Variants in SDK1 observed in about 807,000 individuals in gnomAD.
SDK1 encodes the protein sidekick cell adhesion molecule 1, also known as protein sidekick-1.
Under a neutral mutation model 245.5 loss-of-function variants are expected in SDK1, and 157 were observed. The ratio of observed to expected loss-of-function variants is 0.64; its 90% confidence interval spans 0.56 to 0.73. The LOEUF (loss-of-function observed/expected upper bound fraction) is 0.73. SDK1 is among the 30% of genes least tolerant of loss of function. The pLI, the probability that SDK1 is intolerant of heterozygous loss-of-function variation, is 0.00. For synonymous variants in SDK1, 1,647 were observed against 1,278.5 expected (o/e 1.29, Z -6.15); for missense variants, 3,583 against 3,002.3 (o/e 1.19, Z -4.52).
intron 4 of SDK1, among the ~76,000 whole-genome samples, chr7:3,766,875 G>A (rs1780269249): frequency 6.6e-6 from 1 of 152,172 alleles, no homozygotes; most frequent in Non-Finnish European, 1.5e-5. Context: ...TCCTTAGAGT[G>A]AGCTCATGGC....
chr7:3,634,220 A>G lies in SDK1; in HGVS notation c.459-4784A>G, dbSNP rs896466416. ...ATAGGGTGGCAGATTCTCCAAATAC[A>G]GGGAAGTGGTTCAGATCCTAGGTAG... On this transcript the variant is annotated intron_variant, in intron 2 of 44. Coordinates refer to ENST00000404826, the MANE Select transcript of SDK1 (RefSeq NM_152744.4). Among the ~76,000 whole-genome samples the G allele has an allele frequency of 2.6e-5, 4 of 152,088 alleles. No individual in the cohort carries two copies. In the South Asian group the frequency reaches 8.3e-4, roughly 32 times the overall value.
At chr7:4,069,495 C>G (rs962741574) in intron 20 of SDK1, among the ~76,000 whole-genome samples, 1 of 152,230 alleles carries the variant, frequency 6.6e-6, no homozygotes, top group Non-Finnish European at 1.5e-5. Flanking sequence ...CGTCCTGACG[C>G]GAGCGGTCAG....
intron 1 of SDK1, among the ~76,000 whole-genome samples, chr7:3,425,235 G>A (rs1340236226): frequency 2.6e-5 from 4 of 151,884 alleles, no homozygotes; most frequent in Admixed American, 2.6e-4. Flanking sequence ...AGACAGGCCT[G>A]TTGTTATCTT....
At chr7:4,251,131 A>G (rs959229402) in intron 44 of SDK1, among the ~76,000 whole-genome samples, 2 of 152,190 alleles carry the variant, frequency 1.3e-5, no homozygotes, top group African/African-American at 4.8e-5. Flanking sequence ...CTTCATTTCT[A>G]TATTATATGG....
intron 14 of SDK1, among the ~76,000 whole-genome samples, chr7:4,008,079 G>A (rs1180156256): frequency 6.6e-6 from 1 of 152,020 alleles, no homozygotes. Flanking sequence ...CCTTTCCCCT[G>A]CTCCTCCTAC....
intron 35 of SDK1, among the ~76,000 whole-genome samples, chr7:4,195,184 C>A (rs1030684261): frequency 2.0e-5 from 3 of 152,216 alleles, no homozygotes; most frequent in Non-Finnish European, 1.5e-5. Flanking sequence ...TGCATCACAT[C>A]ACATTCTATC....
chr7:3,687,727 G>A (rs115859085), intron 4 of SDK1, among the ~76,000 whole-genome samples: 1 of 152,308 alleles, frequency 6.6e-6, no homozygotes, highest in Non-Finnish European at 1.5e-5. Flanking sequence ...AAGCAGCGGA[G>A]AGAGGATAGA....
intron 4 of SDK1, among the ~76,000 whole-genome samples, chr7:3,788,540 A>ATG (rs765045683): frequency 5.9e-5 from 9 of 152,150 alleles, no homozygotes; most frequent in Non-Finnish European, 1.2e-4. Flanking sequence ...TGTGATTCTG[A>ATG]TGCCATGATT....
At chr7:3,385,547 A>G (rs892040195) in intron 1 of SDK1, among the ~76,000 whole-genome samples, 3 of 151,984 alleles carry the variant, frequency 2.0e-5, no homozygotes, top group South Asian at 2.1e-4. Flanking sequence ...CCTCAGACCC[A>G]TCGCACCTGC....
chr7:3,778,123 C>G (rs148602127), intron 4 of SDK1, among the ~76,000 whole-genome samples: 1 of 152,158 alleles, frequency 6.6e-6, no homozygotes, highest in African/African-American at 2.4e-5. Flanking sequence ...TTTCCCATGC[C>G]GTCGTGTCTC....
chr7:3,622,846 C>T (rs1032585827), intron 2 of SDK1, among the ~76,000 whole-genome samples: 2 of 151,808 alleles, frequency 1.3e-5, no homozygotes, highest in Non-Finnish European at 2.9e-5. Flanking sequence ...TATTATGTTC[C>T]ACGAGGGCCT....
At chr7:3,898,553 T>C (rs980000593) in intron 5 of SDK1, among the ~76,000 whole-genome samples, 6 of 152,226 alleles carry the variant, frequency 3.9e-5, no homozygotes, top group South Asian at 2.1e-4. Flanking sequence ...ATTGCAAATA[T>C]TTTTCCAATT....
At chr7:3,405,677 A>C (rs1325544208) in intron 1 of SDK1, among the ~76,000 whole-genome samples, 5 of 152,212 alleles carry the variant, frequency 3.3e-5, no homozygotes, top group South Asian at 2.1e-4. Context: ...TCACTTTAGC[A>C]ATAGAGCTGA....
intron 1 of SDK1, among the ~76,000 whole-genome samples, chr7:3,326,833 C>G (rs780483904): frequency 1.3e-5 from 2 of 152,106 alleles, no homozygotes; most frequent in Admixed American, 1.3e-4. Flanking sequence ...CAAGAGGCTT[C>G]TCAGGCTGTC....
intron 4 of SDK1, among the ~76,000 whole-genome samples, chr7:3,692,954 A>G (rs1257030445): frequency 3.9e-5 from 6 of 152,128 alleles, no homozygotes; most frequent in African/African-American, 1.2e-4. Flanking sequence ...TTTATATATC[A>G]TCCAGTAGTA....
chr7:3,567,630 T>A (rs757675458), intron 1 of SDK1, among the ~76,000 whole-genome samples: 15 of 152,324 alleles, frequency 9.8e-5, no homozygotes, highest in African/African-American at 1.7e-4. Context: ...GGTTATCTGA[T>A]CTGTTTTAAT....
intron 15 of SDK1, among the ~76,000 whole-genome samples, 173 bp from the exon 16 acceptor site, chr7:4,011,922 G>A (rs566874029): frequency 6.6e-6 from 1 of 152,198 alleles, no homozygotes; most frequent in South Asian, 2.1e-4. Context: ...GTTGATTTGT[G>A]GTAACTGTTT....
intron 1 of SDK1, among the ~76,000 whole-genome samples, chr7:3,389,456 G>A (rs1369474586): frequency 6.6e-6 from 1 of 152,166 alleles, no homozygotes; most frequent in Non-Finnish European, 1.5e-5. Flanking sequence ...TGGGCCATGA[G>A]CCAAGGACAA....
chr7:3,432,203 G>A (rs1779872326), intron 1 of SDK1, among the ~76,000 whole-genome samples: 1 of 150,796 alleles, frequency 6.6e-6, no homozygotes, highest in Middle Eastern at 3.5e-3. Context: ...ATTTTGGGGT[G>A]AACTTTTTCC....
Sources: gnomAD v4.1 joint callset for allele counts (sites outside exome capture counted in the v4.1 genomes callset) on GRCh38, gnomAD v4.1.1 for gene constraint, MANE v1.5 for transcripts, NCBI Gene and HGNC (gene_info 2026-07-23, HGNC 2026-07-21) for gene names.